The following NRXN3 variants were observed in gnomAD, a reference collection of about 807,000 sequenced individuals.
NRXN3 encodes neurexin III.
Under a neutral mutation model 137.6 loss-of-function variants are expected in NRXN3, and 32 were observed. That is an observed-to-expected ratio of 0.23 (90% CI 0.18 to 0.31). The LOEUF (loss-of-function observed/expected upper bound fraction) is 0.31, where lower values mean the gene tolerates loss of function less well. Among genes scored for constraint, NRXN3 ranks in the 10% least tolerant of loss-of-function variants. The pLI is 1.00. For missense variants in NRXN3, 1,574 were observed against 2,062.5 expected (o/e 0.76, Z 4.59); for synonymous variants, 798 against 784.5 (o/e 1.02, Z -0.29).
At chr14:79,704,877 A>C (rs2098770633) in intron 19 of NRXN3, among the ~76,000 whole-genome samples, 1 of 152,180 alleles carries the variant, frequency 6.6e-6, no homozygotes, top group Non-Finnish European at 1.5e-5. Context: ...AGGGAGCTTG[A>C]TGGGTTTACC....
At chr14:78,225,986 T>G (rs1169636054) in intron 1 of NRXN3, among the ~76,000 whole-genome samples, 2 of 121,226 alleles carry the variant, frequency 1.6e-5, no homozygotes, top group African/African-American at 2.8e-5. Context: ...TGTGTGTGTG[T>G]GTGTGTGTGT....
At position 78,686,876 on chromosome 14, in the gene NRXN3, A is replaced by G. The variant is rs149570130; in HGVS notation, c.1222-22341A>G. Reference sequence around the variant, plus strand: ...TTTCTGCTGAGCCTAAGCATACAGCAATGAATAACAACAATAGTAACAACA... The same window carrying G: ...TTTCTGCTGAGCCTAAGCATACAGCGATGAATAACAACAATAGTAACAACA... On this transcript the variant is annotated intron_variant, in intron 6 of 20. Coordinates refer to ENST00000335750, the MANE Select transcript of NRXN3 (RefSeq NM_001330195.2). Among the ~76,000 whole-genome samples, 492 of 152,288 alleles carry G rather than the reference A, an allele frequency of 3.2e-3. 1 individual carries two copies. The highest frequency in any genetic ancestry group is 0.011 in the African/African-American group (471 of 41,558).
intron 15 of NRXN3, among the ~76,000 whole-genome samples, chr14:79,106,461 T>C (rs575530680): frequency 6.6e-6 from 1 of 152,074 alleles, no homozygotes; most frequent in African/African-American, 2.4e-5. Context: ...CTGAACAGAA[T>C]TCTGCATTTC....
At chr14:79,150,716 AAAAAAG>A (rs2153031375) in intron 15 of NRXN3, among the ~76,000 whole-genome samples, 2 of 152,182 alleles carry the variant, frequency 1.3e-5, no homozygotes, top group South Asian at 4.1e-4. Context: ...AATAAAAAAA[AAAAAAG>A]AAAAAGAAAT....
chr14:79,686,426 G>A (rs2098695332), intron 17 of NRXN3, among the ~76,000 whole-genome samples: 2 of 152,064 alleles, frequency 1.3e-5, no homozygotes, highest in Admixed American at 6.6e-5. Flanking sequence ...CTGGGAGAAA[G>A]AACTTTCTTT....
intron 16 of NRXN3, among the ~76,000 whole-genome samples, chr14:79,594,133 T>C (rs921494395): frequency 8.5e-5 from 13 of 152,216 alleles, no homozygotes; most frequent in Admixed American, 8.5e-4. Flanking sequence ...TTAGGTTGTA[T>C]TCGTACCAGT....
intron 15 of NRXN3, among the ~76,000 whole-genome samples, chr14:79,399,301 T>C (rs2095121644): frequency 6.6e-6 from 1 of 152,228 alleles, no homozygotes; most frequent in African/African-American, 2.4e-5. Context: ...CTTTTATTGC[T>C]GACACTGGTT....
intron 4 of NRXN3, among the ~76,000 whole-genome samples, chr14:78,513,805 T>TA (rs1186666899): frequency 6.6e-6 from 1 of 152,142 alleles, no homozygotes; most frequent in Non-Finnish European, 1.5e-5. Flanking sequence ...AAGATCCCCA[T>TA]AATTCATTTA....
intron 15 of NRXN3, among the ~76,000 whole-genome samples, chr14:79,365,230 T>C (rs1287279245): frequency 1.3e-5 from 2 of 152,176 alleles, no homozygotes; most frequent in African/African-American, 4.8e-5. Flanking sequence ...TTTCTTGGCA[T>C]CTGGCAGTGA....
intron 16 of NRXN3, among the ~76,000 whole-genome samples, chr14:79,540,612 G>A (rs949847074): frequency 3.3e-5 from 5 of 152,092 alleles, no homozygotes; most frequent in African/African-American, 1.2e-4. Context: ...TTGACAAACA[G>A]GTAAATCAGG....
intron 15 of NRXN3, among the ~76,000 whole-genome samples, chr14:79,365,725 C>CAAAAAAAAAAAAAAAAAAAAAAAAAAAA (rs569855024): frequency 2.4e-5 from 1 of 42,408 alleles, no homozygotes; most frequent in Non-Finnish European, 4.2e-5. Context: ...GACTCTGTCT[C>CAAAAAAAAAAAAAAAAAAAAAAAAAAAA]AAAAAAAAAA....
intron 16 of NRXN3, among the ~76,000 whole-genome samples, chr14:79,538,141 T>A (rs1156669348): frequency 2.6e-5 from 4 of 152,156 alleles, no homozygotes; most frequent in Non-Finnish European, 4.4e-5. Context: ...ATGGGGTTGT[T>A]TGTTTTTTTC....
chr14:79,058,547 T>A (rs548712605), intron 15 of NRXN3, among the ~76,000 whole-genome samples: 2 of 152,260 alleles, frequency 1.3e-5, no homozygotes, highest in African/African-American at 4.8e-5. Context: ...GACTTTGACC[T>A]GAGTGAACTT....
rs2099416453 is a variant in NRXN3, at chr14:79,863,788, A to G, written c.*1824A>G. On this transcript the variant is annotated 3_prime_UTR_variant, in exon 21 of 21. Transcript: ENST00000335750. ...AATGAAGTGTGTCCTCTGGAGGGTC[A>G]GATATACAATTTCTTTTGTACAGAT... The G allele has an allele frequency of 6.6e-6, 1 of 152,632 alleles. No individual in the cohort carries two copies. Among genetic ancestry groups the G allele is most frequent in the Admixed American group, 6.5e-5 (1 of 15,280 alleles). 9.5% of individuals were successfully genotyped at this position (152,632 alleles called of 1,614,324 possible). A position where few individuals can be genotyped will look rare whatever the true frequency, so the allele number is the denominator to read the frequency against.
intron 1 of NRXN3, among the ~76,000 whole-genome samples, chr14:78,239,417 C>G (rs991656224): frequency 6.6e-6 from 1 of 152,226 alleles, no homozygotes; most frequent in Non-Finnish European, 1.5e-5. Flanking sequence ...AGGGTTTTCT[C>G]TTTCCTTTGA....
At chr14:79,108,446 T>C (rs911125362) in intron 15 of NRXN3, among the ~76,000 whole-genome samples, 2 of 152,112 alleles carry the variant, frequency 1.3e-5, no homozygotes, top group African/African-American at 2.4e-5. Flanking sequence ...ACAAATATAG[T>C]AAAGCACTCA....
chr14:79,032,884 A>G (rs1159867733), intron 15 of NRXN3, among the ~76,000 whole-genome samples: 2 of 152,186 alleles, frequency 1.3e-5, no homozygotes, highest in Non-Finnish European at 2.9e-5. Context: ...TTATCTGTGA[A>G]ACAGGGATAA....
At chr14:79,602,729 A>G (rs1297230954) in intron 16 of NRXN3, among the ~76,000 whole-genome samples, 3 of 151,656 alleles carry the variant, frequency 2.0e-5, no homozygotes, top group African/African-American at 7.2e-5. Flanking sequence ...TGAAAATTAG[A>G]GAGGAGCTTT....
intron 6 of NRXN3, among the ~76,000 whole-genome samples, chr14:78,706,595 G>C (rs2098353190): frequency 6.6e-6 from 1 of 152,150 alleles, no homozygotes; most frequent in Non-Finnish European, 1.5e-5. Context: ...ACTGCTCTCT[G>C]TGTCTGTTTC....
Sources: gnomAD v4.1 joint callset for allele counts (sites outside exome capture counted in the v4.1 genomes callset) on GRCh38, gnomAD v4.1.1 for gene constraint, MANE v1.5 for transcripts, NCBI Gene and HGNC (gene_info 2026-07-23, HGNC 2026-07-21) for gene names.